Variants in ADAMTS3 observed in about 807,000 individuals in gnomAD.
The protein encoded by ADAMTS3 is A disintegrin and metalloproteinase with thrombospondin motifs 3.
A neutral mutation model predicts 129.0 loss-of-function variants in ADAMTS3; 73 were observed. The ratio of observed to expected loss-of-function variants is 0.57; its 90% confidence interval spans 0.47 to 0.69. ADAMTS3 has a LOEUF of 0.69. Among genes scored for constraint, ADAMTS3 ranks in the 30% least tolerant of loss-of-function variants. ADAMTS3 has a pLI of 0.00. For synonymous variants in ADAMTS3, 477 were observed against 510.8 expected (o/e 0.93, Z 0.89); for missense variants, 1,457 against 1,514.5 (o/e 0.96, Z 0.63).
At chr4:72,475,860 AACAAT>A (rs1430877809) in intron 3 of ADAMTS3, among the ~76,000 whole-genome samples, 2 of 152,128 alleles carry the variant, frequency 1.3e-5, no homozygotes, top group South Asian at 2.1e-4. Flanking sequence ...TTAGAAAGTA[AACAAT>A]ACATTTTAAA....
intron 3 of ADAMTS3, among the ~76,000 whole-genome samples, chr4:72,514,460 A>C (rs1250940306): frequency 1.3e-5 from 2 of 152,166 alleles, no homozygotes; most frequent in East Asian, 3.9e-4. Flanking sequence ...TCAATGTCCA[A>C]GACCAAATCA....
At chr4:72,406,995 C>T (rs34763628) in intron 4 of ADAMTS3, among the ~76,000 whole-genome samples, 39,952 of 151,864 alleles carry the variant, frequency 0.26, 5,466 homozygotes, top group East Asian at 0.45. Flanking sequence ...ACCACACAAA[C>T]GCTTCTACTG....
intron 3 of ADAMTS3, among the ~76,000 whole-genome samples, chr4:72,495,276 G>A (rs1719847478): frequency 6.6e-6 from 1 of 152,150 alleles, no homozygotes. Flanking sequence ...CCCAGGGTCT[G>A]TGGGGTCTAT....
chr4:72,401,566 C>CAAAAA (rs374322807), intron 4 of ADAMTS3, among the ~76,000 whole-genome samples: 88 of 36,538 alleles, frequency 2.4e-3, no homozygotes, highest in African/African-American at 3.6e-3. Context: ...TACTCTGTCT[C>CAAAAA]AAAAAAAAAA....
intron 3 of ADAMTS3, among the ~76,000 whole-genome samples, chr4:72,431,422 T>C (rs956077640): frequency 1.3e-5 from 2 of 151,950 alleles, no homozygotes; most frequent in Admixed American, 6.6e-5. Context: ...TTTGAACTGC[T>C]CTAAAATCAA....
In ADAMTS3 at chr4:72,414,915, A is replaced by C; in HGVS notation, c.561T>G (p.Gly187=). Residue 187 remains glycine (G), a synonymous_variant, in exon 4 of 22, where the codon GGT becomes GGG. Coordinates refer to ENST00000286657, the MANE Select transcript of ADAMTS3 (RefSeq NM_014243.3). The part of the protein sequence containing the change: ...EEYFIEPLER[G]KQMEEEKGRI... The stretch of plus-strand genomic sequence containing the variant: ...TTCCTTTTTCTTCCTCCATCTGTTT[A>C]CCTCTTTCCAAGGGTTCAATGAAAT... 6.3e-7 allele frequency: 1 copy of C among 1,582,970 alleles called. No homozygotes were observed. The highest frequency in any genetic ancestry group is 8.6e-7 in the Non-Finnish European group (1 of 1,166,446).
rs145705698 is a variant in ADAMTS3, at chr4:72,421,877, T to C, written c.505-6906A>G. Among the ~76,000 whole-genome samples, 816 of 152,260 alleles carry C rather than the reference T, an allele frequency of 5.4e-3. 5 individuals are homozygous for C. Among genetic ancestry groups the C allele is most frequent in the African/African-American group, 0.019 (788 of 41,554 alleles). On this transcript the variant is annotated intron_variant, in intron 3 of 21. Coordinates refer to ENST00000286657, the MANE Select transcript of ADAMTS3 (RefSeq NM_014243.3). Reference sequence around the variant, plus strand: ...ATTTTAGACAGGACTGTCCTATACATACTTAAGAAAGGAAAAAAATCACCA... The same window carrying C: ...ATTTTAGACAGGACTGTCCTATACACACTTAAGAAAGGAAAAAAATCACCA...
intron 3 of ADAMTS3, among the ~76,000 whole-genome samples, chr4:72,544,863 A>T (rs1289397245): frequency 1.3e-5 from 2 of 152,148 alleles, no homozygotes; most frequent in Admixed American, 1.3e-4. Flanking sequence ...CTATCCAAAA[A>T]GAAATGTGCA....
At chr4:72,558,245 A>C (rs1483223742) in intron 2 of ADAMTS3, among the ~76,000 whole-genome samples, 2 of 151,868 alleles carry the variant, frequency 1.3e-5, no homozygotes, top group Admixed American at 6.5e-5. Context: ...GGGACAGTCT[A>C]CTAGGTCACT....
intron 4 of ADAMTS3, among the ~76,000 whole-genome samples, chr4:72,395,200 C>T (rs74761681): frequency 0.015 from 2,244 of 152,272 alleles, 50 homozygotes; most frequent in African/African-American, 0.051. Flanking sequence ...GCTGAGATTA[C>T]AGGTGGGAGC....
chr4:72,520,113 T>C (rs1285313882), intron 3 of ADAMTS3, among the ~76,000 whole-genome samples: 12 of 152,350 alleles, frequency 7.9e-5, no homozygotes, highest in African/African-American at 2.9e-4. Context: ...CTTCAGACCC[T>C]GTTTGCCTGG....
chr4:72,317,413 CACTT>C (rs898417057), intron 10 of ADAMTS3, among the ~76,000 whole-genome samples: 4 of 150,910 alleles, frequency 2.7e-5, no homozygotes, highest in Non-Finnish European at 4.4e-5. Flanking sequence ...CCCCATGAAA[CACTT>C]ACGTTCCTTG....
chr4:72,347,465 A>G (rs762853882), intron 4 of ADAMTS3, among the ~76,000 whole-genome samples: 19 of 146,720 alleles, frequency 1.3e-4, no homozygotes, highest in Non-Finnish European at 2.6e-4. Context: ...CAGTGCTCTG[A>G]AAAAGACTAC....
chr4:72,388,914 C>T (rs1260576495), intron 4 of ADAMTS3, among the ~76,000 whole-genome samples: 2 of 152,212 alleles, frequency 1.3e-5, no homozygotes, highest in East Asian at 3.8e-4. Flanking sequence ...CACCTAATTC[C>T]TCTAGCAATG....
chr4:72,540,162 T>C (rs1043676612), intron 3 of ADAMTS3, among the ~76,000 whole-genome samples: 7 of 152,066 alleles, frequency 4.6e-5, no homozygotes, highest in Admixed American at 3.3e-4. Flanking sequence ...ATATGGACAA[T>C]GAAATCCAAG....
intron 14 of ADAMTS3, among the ~76,000 whole-genome samples, chr4:72,310,362 T>C (rs1363078206): frequency 5.3e-5 from 8 of 152,042 alleles, no homozygotes; most frequent in Non-Finnish European, 4.4e-5. Context: ...CTGCGGCAGG[T>C]AAAAGCTGAA....
chr4:72,376,492 T>C (rs1170557641), intron 4 of ADAMTS3, among the ~76,000 whole-genome samples: 2 of 152,176 alleles, frequency 1.3e-5, no homozygotes, highest in Non-Finnish European at 2.9e-5. Flanking sequence ...GTGTCCTGAC[T>C]GCAATGCACT....
At chr4:72,337,341 C>T (rs1178921880) in intron 5 of ADAMTS3, among the ~76,000 whole-genome samples, 1 of 152,096 alleles carries the variant, frequency 6.6e-6, no homozygotes, top group Non-Finnish European at 1.5e-5. Context: ...AAATGCATCA[C>T]TTTGTTATTC....
intron 4 of ADAMTS3, among the ~76,000 whole-genome samples, chr4:72,395,736 G>A (rs534018687): frequency 3.9e-5 from 6 of 152,180 alleles, no homozygotes; most frequent in African/African-American, 1.4e-4. Context: ...TTACAGTCTT[G>A]AAAATTTATA....
Sources: allele counts gnomAD v4.1 joint callset (sites outside exome capture counted in the v4.1 genomes callset), GRCh38; gene constraint gnomAD v4.1.1; transcripts MANE v1.5; gene names NCBI Gene and HGNC (gene_info 2026-07-23, HGNC 2026-07-21).